SINHCAF: variants seen among roughly 807,000 people sequenced by gnomAD.
The protein encoded by SINHCAF is SIN3-HDAC complex associated factor, also known as SIN3-HDAC complex-associated factor.
Under a neutral mutation model 25.8 loss-of-function variants are expected in SINHCAF, and 3 were observed. The observed-to-expected ratio is 0.12, with a 90% CI of 0.05 to 0.30. The LOEUF (loss-of-function observed/expected upper bound fraction) is 0.30. SINHCAF is among the 10% of genes least tolerant of loss of function. SINHCAF has a pLI of 1.00. For synonymous variants in SINHCAF, 70 were observed against 85.5 expected (o/e 0.82, Z 1.00); for missense variants, 121 against 262.3 (o/e 0.46, Z 3.72).
In SINHCAF at chr12:31,295,328, T is replaced by C. The variant is rs148373802; in HGVS notation, c.134A>G (p.His45Arg). The part of the protein sequence containing the change: ...EKDFQSCFGL[H>R]ETRSGDICNA... ...GCAGATGTCTCCTGAACGAGTCTCA[T>C]GCAATCTGATAAGAAAACAATCAAA... is the stretch of plus-strand genomic sequence containing the variant. The change falls in exon 3 of 6, where the codon CAT becomes CGT. Residue 45 changes from histidine to arginine, a missense_variant. Coordinates refer to ENST00000337682, the MANE Select transcript of SINHCAF (RefSeq NM_001135812.2). The C allele has an allele frequency of 5.0e-6, 8 of 1,599,976 alleles. No individual in the cohort carries two copies. In the Admixed American group the frequency reaches 8.6e-5, roughly 17 times the overall value.
At chr12:31,309,873 G>A (rs1248908280) in intron 1 of SINHCAF, among the ~76,000 whole-genome samples, 1 of 151,910 alleles carries the variant, frequency 6.6e-6, no homozygotes, top group Non-Finnish European at 1.5e-5. Context: ...TTCCATGTTG[G>A]TCAGGCTGGT....
intron 1 of SINHCAF, chr12:31,303,006 A>C: frequency 8.1e-6 from 8 of 985,290 alleles, no homozygotes; most frequent in Non-Finnish European, 9.6e-6. Context: ...ATCATCAATC[A>C]TCTATCTGTC....
rs1291900845 is a variant in SINHCAF at position 31,280,762 on chromosome 12, CTG to C, written c.*1948_*1949del. On this transcript the variant is annotated 3_prime_UTR_variant, in exon 6 of 6. Coordinates refer to ENST00000337682, the MANE Select transcript of SINHCAF (RefSeq NM_001135812.2). ...GAGAGGTGGAAGGGGAAAAAGAAGA[CTG>C]TGGTTGAGGTCTAGTAATAAATAAA... is the stretch of plus-strand genomic sequence containing the variant. 1.3e-5 allele frequency: 2 copies of C among 152,402 alleles called. No individual in the cohort carries two copies. The highest frequency in any genetic ancestry group is 1.3e-4 in the Admixed American group (2 of 15,254). 9.4% of individuals were successfully genotyped at this position (152,402 alleles called of 1,614,324 possible). A position where few individuals can be genotyped will look rare whatever the true frequency, so the allele number is the denominator to read the frequency against.
intron 4 of SINHCAF, among the ~76,000 whole-genome samples, chr12:31,292,898 A>G (rs1354590777): frequency 5.9e-5 from 9 of 152,204 alleles, no homozygotes; most frequent in Non-Finnish European, 1.3e-4. Context: ...ACAGGGCCCT[A>G]TAGATTTTTT....
chr12:31,305,681 C>T (rs116179073), intron 1 of SINHCAF, among the ~76,000 whole-genome samples: 2,065 of 150,394 alleles, frequency 0.014, 14 homozygotes, highest in Middle Eastern at 0.017. Flanking sequence ...AATCAAAATA[C>T]GGAAATATAG....
intron 1 of SINHCAF, among the ~76,000 whole-genome samples, chr12:31,302,585 G>A (rs1228300209): frequency 2.0e-5 from 3 of 150,556 alleles, no homozygotes; most frequent in Admixed American, 6.7e-5. Flanking sequence ...GGTTCCAACA[G>A]GTTATAACCT....
intron 1 of SINHCAF, among the ~76,000 whole-genome samples, chr12:31,314,523 C>A (rs1312559399): frequency 1.3e-5 from 2 of 149,992 alleles, no homozygotes; most frequent in African/African-American, 4.9e-5. Context: ...GAGACTCCGT[C>A]TCAAAAAAAA....
chr12:31,307,596 G>C (rs1026735213), intron 1 of SINHCAF, among the ~76,000 whole-genome samples: 2 of 151,998 alleles, frequency 1.3e-5, no homozygotes, highest in African/African-American at 4.8e-5. Context: ...TAGGATTACT[G>C]CAACGAGATG....
chr12:31,303,954 C>T (rs4930974), intron 1 of SINHCAF: 33,428 of 151,848 alleles, frequency 0.22, 3,802 homozygotes, highest in East Asian at 0.26. Context: ...CCCGAGGTGT[C>T]GATGTAAGTG....
In SINHCAF at chr12:31,325,889, TC is replaced by T. The variant is rs1209242209; in HGVS notation, c.-21+134del. Reference sequence around the variant, plus strand: ...AAACAGCGCTCCCAACAATGCCACCTCCAAGACAAAACTTCCTGTGTGTATG... The same window carrying T: ...AAACAGCGCTCCCAACAATGCCACCTCAAGACAAAACTTCCTGTGTGTATG... On this transcript the variant is annotated intron_variant, in intron 1 of 5. Transcript: ENST00000337682. This position sits in a 1 kb window ranked among gnomAD's most constrained non-coding sequence, Gnocchi z 5.9. The T allele has an allele frequency of 6.6e-6, 1 of 151,168 alleles. No individual in the cohort carries two copies. Among genetic ancestry groups the T allele is most frequent in the African/African-American group, 2.4e-5 (1 of 40,926 alleles). The allele number at this position is 151,168 out of a possible 1,614,324, so 9.4% of individuals were successfully genotyped here.
chr12:31,285,144 T>C (rs1375643756), intron 5 of SINHCAF, among the ~76,000 whole-genome samples: 2 of 152,126 alleles, frequency 1.3e-5, no homozygotes, highest in East Asian at 1.9e-4. Flanking sequence ...TCCCAGCACT[T>C]TGGGAGGCCA....
intron 1 of SINHCAF, among the ~76,000 whole-genome samples, chr12:31,299,182 G>A (rs1236996066): frequency 7.2e-5 from 11 of 152,002 alleles, no homozygotes; most frequent in Admixed American, 5.9e-4. Context: ...CAAAACAACC[G>A]GACTAAGAGA....
intron 1 of SINHCAF, among the ~76,000 whole-genome samples, chr12:31,323,784 C>A (rs901109430): frequency 6.6e-6 from 1 of 152,144 alleles, no homozygotes; most frequent in Admixed American, 6.5e-5. Context: ...CAGGGAGCCC[C>A]GGAACTTCCC....
chr12:31,311,876 G>A, intron 1 of SINHCAF: 1 of 499,114 alleles, frequency 2.0e-6, no homozygotes, highest in East Asian at 5.2e-5. Flanking sequence ...ATCACTTGAT[G>A]AAGGTGGCAT....
intron 1 of SINHCAF, chr12:31,304,486 A>T (rs2137107584): frequency 6.6e-6 from 1 of 152,352 alleles, no homozygotes; most frequent in East Asian, 1.9e-4. Context: ...TGTTCTAGAT[A>T]AGTTAGAGAA....
Position 31,325,332 on chromosome 12 carries a change from G to T in SINHCAF, c.-21+692C>A, listed in dbSNP as rs1439058266. The T allele has an allele frequency of 2.3e-6, 1 of 426,388 alleles. No individual in the cohort carries two copies. Among genetic ancestry groups the T allele is most frequent in the Admixed American group, 2.7e-5 (1 of 37,366 alleles). 26.4% of individuals were successfully genotyped at this position (426,388 alleles called of 1,614,324 possible). ...AGACGGGCTGTTTTTAAGCGACCGC[G>T]TGTTGCTCTCATTGTCGCATCCGCA... On this transcript the variant is annotated intron_variant, in intron 1 of 5. Coordinates refer to ENST00000337682, the MANE Select transcript of SINHCAF (RefSeq NM_001135812.2). This position sits in a 1 kb window ranked among gnomAD's most constrained non-coding sequence, Gnocchi z 5.9.
chr12:31,290,890 T>C (rs886989023), intron 4 of SINHCAF, among the ~76,000 whole-genome samples: 1 of 152,142 alleles, frequency 6.6e-6, no homozygotes, highest in African/African-American at 2.4e-5. Context: ...CAGCTAATAT[T>C]GTATTTTTAG....
At chr12:31,308,219 C>T (rs571754048) in intron 1 of SINHCAF, among the ~76,000 whole-genome samples, 46 of 152,270 alleles carry the variant, frequency 3.0e-4, no homozygotes, top group African/African-American at 1.0e-3. Flanking sequence ...GGATTACAGG[C>T]GTGAACCACC....
At chr12:31,294,603 G>A (rs931650639) in intron 3 of SINHCAF, among the ~76,000 whole-genome samples, 1 of 152,044 alleles carries the variant, frequency 6.6e-6, no homozygotes, top group Non-Finnish European at 1.5e-5. Flanking sequence ...ACATTTATTA[G>A]CTGCAGATTT....
Sources: allele counts gnomAD v4.1 joint callset (sites outside exome capture counted in the v4.1 genomes callset), GRCh38; gene constraint gnomAD v4.1.1; non-coding constraint Gnocchi (gnomAD v3.1); transcripts MANE v1.5; gene names NCBI Gene and HGNC (gene_info 2026-07-23, HGNC 2026-07-21).